ENTREP2: variants seen among roughly 807,000 people sequenced by gnomAD.
ENTREP2 encodes endosomal transmembrane epsin interactor 2, also known as protein ENTREP2.
At chr15:29,468,204 C>T in the ENTREP2 span, among the ~76,000 whole-genome samples, 24 of 152,278 alleles carry the variant, frequency 1.6e-4, no homozygotes, top group South Asian at 1.9e-3. Context: ...TAAATGTATA[C>T]TGAACATAAT....
At chr15:29,450,971 G>C in the ENTREP2 span, among the ~76,000 whole-genome samples, 2 of 151,658 alleles carry the variant, frequency 1.3e-5, no homozygotes, top group South Asian at 4.2e-4. Flanking sequence ...GGTGGGAGGA[G>C]AGAGAGATTC....
the ENTREP2 span, among the ~76,000 whole-genome samples, chr15:29,576,927 C>A: frequency 6.6e-6 from 1 of 152,116 alleles, no homozygotes; most frequent in Non-Finnish European, 1.5e-5. Flanking sequence ...CCTGCCTCAG[C>A]CTCCCGAGTA....
At chr15:29,373,431 T>C in the ENTREP2 span, among the ~76,000 whole-genome samples, 1 of 152,030 alleles carries the variant, frequency 6.6e-6, no homozygotes, top group Non-Finnish European at 1.5e-5. Context: ...TTAGTTTGGG[T>C]TTGGAGTAGA....
chr15:29,600,985 C>T, the ENTREP2 span, among the ~76,000 whole-genome samples: 3 of 143,446 alleles, frequency 2.1e-5, no homozygotes, highest in South Asian at 6.3e-4. Context: ...GCAAGCTCCG[C>T]CTCCCGGGTT....
At chr15:29,567,543 T>C in the ENTREP2 span, among the ~76,000 whole-genome samples, 2 of 152,136 alleles carry the variant, frequency 1.3e-5, no homozygotes, top group Non-Finnish European at 2.9e-5. Flanking sequence ...TTCCCCTTAG[T>C]TTACTCAGCA....
chr15:29,218,247 TC>T, the ENTREP2 span, among the ~76,000 whole-genome samples: 1 of 152,318 alleles, frequency 6.6e-6, no homozygotes. Context: ...GGTGGCACTT[TC>T]CAGAAAGCAT....
At chr15:29,674,713 G>A in the ENTREP2 span, among the ~76,000 whole-genome samples, 2 of 150,436 alleles carry the variant, frequency 1.3e-5, no homozygotes, top group African/African-American at 4.9e-5. Flanking sequence ...CCGGGGGGGC[G>A]GAGGGAAGGA....
At chr15:29,387,535 A>C in the ENTREP2 span, among the ~76,000 whole-genome samples, 4 of 152,214 alleles carry the variant, frequency 2.6e-5, no homozygotes, top group Admixed American at 6.5e-5. Flanking sequence ...GTGAAAATGG[A>C]CATAATGCCG....
At chr15:29,650,025 T>C in the ENTREP2 span, among the ~76,000 whole-genome samples, 7 of 152,192 alleles carry the variant, frequency 4.6e-5, no homozygotes, top group African/African-American at 1.7e-4. Flanking sequence ...GACACAGGTC[T>C]GAGCTATATC....
the ENTREP2 span, among the ~76,000 whole-genome samples, chr15:29,132,008 G>A: frequency 1.2e-4 from 18 of 144,056 alleles, no homozygotes; most frequent in African/African-American, 3.6e-4. Flanking sequence ...GCCCACCCTC[G>A]TGGAGGCCGC....
chr15:29,577,879 T>A, the ENTREP2 span, among the ~76,000 whole-genome samples: 1 of 152,060 alleles, frequency 6.6e-6, no homozygotes, highest in Non-Finnish European at 1.5e-5. Flanking sequence ...CCTAGAGTAG[T>A]CAAATTCATA....
the ENTREP2 span, among the ~76,000 whole-genome samples, chr15:29,489,666 C>T: frequency 1.3e-5 from 2 of 152,170 alleles, no homozygotes; most frequent in Admixed American, 1.3e-4. Context: ...CTCTGGATAT[C>T]CCATGCACAA....
the ENTREP2 span, among the ~76,000 whole-genome samples, chr15:29,410,613 C>T: frequency 6.6e-6 from 1 of 152,298 alleles, no homozygotes; most frequent in Non-Finnish European, 1.5e-5. Context: ...CCTGACTGTG[C>T]TCTGCGCAAA....
chr15:29,636,628 C>T, the ENTREP2 span, among the ~76,000 whole-genome samples: 12 of 152,204 alleles, frequency 7.9e-5, no homozygotes, highest in Non-Finnish European at 1.8e-4. Flanking sequence ...ACGCTCCTGC[C>T]ACCATCTCAG....
the ENTREP2 span, among the ~76,000 whole-genome samples, chr15:29,657,163 T>A: frequency 6.6e-6 from 1 of 151,418 alleles, no homozygotes; most frequent in Admixed American, 6.6e-5. Flanking sequence ...TTCTCCTGCC[T>A]CCTCCTCCTG....
the ENTREP2 span, among the ~76,000 whole-genome samples, chr15:29,571,237 G>A: frequency 1.3e-5 from 2 of 152,226 alleles, no homozygotes; most frequent in South Asian, 4.1e-4. Flanking sequence ...AAGGAGAGCG[G>A]GGGCGGCAGC....
At chr15:29,498,183 T>TGCTATGATC in the ENTREP2 span, among the ~76,000 whole-genome samples, 1 of 152,160 alleles carries the variant, frequency 6.6e-6, no homozygotes, top group African/African-American at 2.4e-5. Context: ...CTTCACCTTC[T>TGCTATGATC]GCTATGATCG....
chr15:29,142,873 A>C, the ENTREP2 span, among the ~76,000 whole-genome samples: 13 of 152,202 alleles, frequency 8.5e-5, no homozygotes, highest in Non-Finnish European at 1.0e-4. Flanking sequence ...TAAAAACAAA[A>C]AAAAAATGAC....
the ENTREP2 span, among the ~76,000 whole-genome samples, chr15:29,616,200 A>G: frequency 1.3e-5 from 2 of 152,232 alleles, no homozygotes; most frequent in Admixed American, 6.5e-5. Flanking sequence ...CCTTTGTGCA[A>G]CAGAGCATTT....
Sources: allele counts gnomAD v4.1 joint callset (sites outside exome capture counted in the v4.1 genomes callset), GRCh38; gene constraint gnomAD v4.1.1; transcripts MANE v1.5; gene names NCBI Gene and HGNC (gene_info 2026-07-23, HGNC 2026-07-21).